RS1: variants seen among roughly 807,000 people sequenced by gnomAD.
The protein encoded by RS1 is retinoschisin.
Under a neutral mutation model 20.8 loss-of-function variants are expected in RS1, and 2 were observed. The ratio of observed to expected loss-of-function variants is 0.10; its 90% CI spans 0.04 to 0.30. The LOEUF (loss-of-function observed/expected upper bound fraction) is 0.30, where lower values mean the gene tolerates loss of function less well. Among genes scored for constraint, RS1 ranks in the 10% least tolerant of loss-of-function variants. The probability of loss-of-function intolerance (pLI) is 1.00; values close to 1 mark genes in which losing one functional copy is unlikely to be tolerated. For missense variants in RS1, 151 were observed against 189.8 expected (o/e 0.80, Z 1.20); for synonymous variants, 70 against 75.8 (o/e 0.92, Z 0.40).
At chrX:18,657,217 CTTTTTT>C (rs749358875) in intron 2 of RS1, among the ~76,000 whole-genome samples, 2 of 65,144 alleles carry the variant, frequency 3.1e-5, no homozygotes, top group East Asian at 4.4e-4. Context: ...AAAAAAAATA[CTTTTTT>C]TTTTTTTTTT....
chrX:18,650,750 G>A (rs904087104), intron 3 of RS1, among the ~76,000 whole-genome samples: 2 of 112,656 alleles, frequency 1.8e-5, no homozygotes, highest in Admixed American at 1.9e-4. Flanking sequence ...GTAATGGGCA[G>A]TCAAGGTCAA....
At chrX:18,648,980 T>C (rs1193388357) in intron 3 of RS1, among the ~76,000 whole-genome samples, 2 of 104,328 alleles carry the variant, frequency 1.9e-5, no homozygotes, top group Non-Finnish European at 3.9e-5. Flanking sequence ...CCTAGGAGTC[T>C]GTGGCTGCAG....
At chrX:18,655,191 C>G (rs748725820) in intron 3 of RS1, among the ~76,000 whole-genome samples, 2 of 112,378 alleles carry the variant, frequency 1.8e-5, no homozygotes, top group African/African-American at 3.2e-5. Flanking sequence ...TAGTACCCCA[C>G]AGGCTGCTTT....
intron 1 of RS1, among the ~76,000 whole-genome samples, chrX:18,670,132 C>G (rs1928468460): frequency 9.1e-6 from 1 of 110,481 alleles, no homozygotes; most frequent in Non-Finnish European, 1.9e-5. Flanking sequence ...ATTTCTAGGA[C>G]TTCTTCGCAT....
At chrX:18,650,647 C>T in intron 3 of RS1, 1 of 1,147,119 alleles carries the variant, frequency 8.7e-7, no homozygotes, top group South Asian at 1.8e-5. Context: ...CTCGGAATTG[C>T]CCGAGGAGCT....
intron 3 of RS1, among the ~76,000 whole-genome samples, chrX:18,649,700 A>G (rs1343309478): frequency 4.5e-5 from 5 of 112,079 alleles, no homozygotes; most frequent in Non-Finnish European, 9.4e-5. Flanking sequence ...TAACAAGCCA[A>G]CTTTTGAAAG....
At position 18,666,332 on chromosome X, in the gene RS1, C is replaced by T. The variant is rs765987009; in HGVS notation, c.52+5685G>A. Among the ~76,000 whole-genome samples, 8 of 111,707 alleles carry T rather than the reference C, an allele frequency of 7.2e-5. No individual in the cohort carries two copies. In the South Asian group the frequency reaches 3.0e-3, roughly 42 times the overall value. ...AGAAGGTGATGTTGGAGCAAAGATTCGAAGGAGGCGAGACACCTGTGGGCA... is the reference window on the plus strand; with the variant it reads ...AGAAGGTGATGTTGGAGCAAAGATTTGAAGGAGGCGAGACACCTGTGGGCA... On this transcript the variant is annotated intron_variant, in intron 1 of 5. Transcript: ENST00000379984.
intron 4 of RS1, chrX:18,645,875 C>A (rs1377333278): frequency 5.9e-6 from 6 of 1,013,657 alleles, no homozygotes; most frequent in Non-Finnish European, 6.8e-6. Context: ...GTCTCCCTTG[C>A]AACTAGATGG....
intron 4 of RS1, chrX:18,646,190 C>T (rs981565603): frequency 2.5e-5 from 29 of 1,151,266 alleles, no homozygotes; most frequent in Non-Finnish European, 3.1e-5. Context: ...CTTGCTCTGT[C>T]GCCCAGGCTG....
chrX:18,669,487 C>CAGAAAAAAAAAAAAA (rs1928456809), intron 1 of RS1, among the ~76,000 whole-genome samples: 1 of 58,908 alleles, frequency 1.7e-5, no homozygotes, highest in Non-Finnish European at 2.8e-5. Flanking sequence ...GTGAAATTCT[C>CAGAAAAAAAAAAAAA]AAAAAAAAAA....
Position 18,642,163 on chromosome X carries a change from A to G in RS1, c.523-7T>C, listed in dbSNP as rs1241552856. The G allele has an allele frequency of 5.0e-6, 6 of 1,210,090 alleles. No homozygotes were observed. Among genetic ancestry groups the G allele is most frequent in the African/African-American group, 1.7e-5 (1 of 57,813 alleles). On this transcript the variant is annotated splice_region_variant and splice_polypyrimidine_tract_variant and intron_variant, in intron 5 of 5. Coordinates refer to ENST00000379984, the MANE Select transcript of RS1 (RefSeq NM_000330.4). ...CCGAGTTGCCATAGAAGACCTAGAG[A>G]GATAGAGGAAATCCTGTCACCATCA...
intron 1 of RS1, among the ~76,000 whole-genome samples, chrX:18,660,318 C>T (rs1033098092): frequency 2.8e-5 from 3 of 108,080 alleles, no homozygotes; most frequent in Non-Finnish European, 5.7e-5. Context: ...CGGGTTCAAG[C>T]GATTCTCCTG....
intron 1 of RS1, among the ~76,000 whole-genome samples, chrX:18,658,043 G>A (rs1458002492): frequency 4.5e-5 from 5 of 110,907 alleles, no homozygotes; most frequent in South Asian, 3.8e-4. Context: ...GGTGGCACGC[G>A]CCTGTAATCC....
intron 1 of RS1, among the ~76,000 whole-genome samples, 164 bp from the exon 2 acceptor site, chrX:18,657,829 G>A (rs779915121): frequency 2.1e-4 from 23 of 111,992 alleles, no homozygotes; most frequent in African/African-American, 6.2e-4. Flanking sequence ...AAAAACATCC[G>A]CAGATGCTAA....
rs145431569 is a variant in RS1, at chrX:18,647,732, G to T, written c.185-400C>A. On this transcript the variant is annotated intron_variant, in intron 3 of 5. Transcript: ENST00000379984. ...TATTTCCCCCATTAACACAGATTTA[G>T]CCATCCTGCCTCATGACGTCAGGTC... 586 of 179,346 alleles carry T rather than the reference G, an allele frequency of 3.3e-3. 4 individuals are homozygous for T. The highest frequency in any genetic ancestry group is 0.017 in the African/African-American group (555 of 33,217). 14.8% of individuals were successfully genotyped at this position (179,346 alleles called of 1,213,427 possible). A position where few individuals can be genotyped will look rare whatever the true frequency, so the allele number is the denominator to read the frequency against.
At position 18,642,090 on chromosome X, in the gene RS1, G is replaced by A. The variant is rs281865354; in HGVS notation, c.589C>T (p.Arg197Cys). Residue 197 changes from arginine (R) to cysteine (C), a missense_variant, in exon 6 of 6, where the codon CGC (arginine) becomes TGC (cysteine). Coordinates refer to ENST00000379984, the MANE Select transcript of RS1 (RefSeq NM_000330.4). ...CCCAGCGGGATGAGGCGGATGAAGC[G>A]GGAGATGATGGGGGGCCGCAGCAGG... ...QNLLRPPIIS[R>C]FIRLIPLGWH... 5.0e-6 allele frequency: 6 copies of A among 1,211,517 alleles called. No homozygotes were observed. The highest frequency in any genetic ancestry group is 6.7e-6 in the Non-Finnish European group (6 of 895,212).
chrX:18,660,743 C>CT (rs895891350), intron 1 of RS1, among the ~76,000 whole-genome samples: 2 of 112,218 alleles, frequency 1.8e-5, no homozygotes, highest in African/African-American at 3.2e-5. Context: ...TCTGCAACCA[C>CT]TTTTTTTGTG....
chrX:18,642,219 T>C, intron 5 of RS1, 63 bp from the exon 6 acceptor site: 1 of 1,116,093 alleles, frequency 9.0e-7, no homozygotes, highest in Non-Finnish European at 1.2e-6. Flanking sequence ...GAAGGGTTCC[T>C]TTCTGGAGCT....
At chrX:18,671,013 G>A (rs1285583166) in intron 1 of RS1, among the ~76,000 whole-genome samples, 1 of 111,744 alleles carries the variant, frequency 8.9e-6, no homozygotes, top group Non-Finnish European at 1.9e-5. Flanking sequence ...CAATAAATTA[G>A]CCGGATGTGG....
Sources: gnomAD v4.1 joint callset for allele counts (sites outside exome capture counted in the v4.1 genomes callset) on GRCh38, gnomAD v4.1.1 for gene constraint, MANE v1.5 for transcripts, NCBI Gene and HGNC (gene_info 2026-07-23, HGNC 2026-07-21) for gene names.